Variants in PDE11A observed in about 807,000 individuals in gnomAD.
The protein encoded by PDE11A is dual 3',5'-cyclic-AMP and -GMP phosphodiesterase 11A.
In PDE11A, 100 loss-of-function variants were observed where a neutral mutation model predicts 100.5. The observed-to-expected ratio is 1.00, with a 90% CI of 0.85 to 1.18. The LOEUF is 1.18. Ranked by LOEUF, PDE11A falls within the 50% of genes most tolerant of loss-of-function variation. PDE11A has a pLI of 0.00. For missense variants in PDE11A, 1,141 were observed against 1,152.6 expected, an observed-to-expected ratio of 0.99 and a Z score of 0.15; for synonymous variants, 381 against 420.8, an observed-to-expected ratio of 0.91 and a Z score of 1.16.
chr2:177,864,666 T>C (rs1008607241), intron 5 of PDE11A, among the ~76,000 whole-genome samples: 1 of 152,054 alleles, frequency 6.6e-6, no homozygotes, highest in Non-Finnish European at 1.5e-5. Flanking sequence ...ACTTCAGAAA[T>C]GGCATAAAGG....
intron 6 of PDE11A, among the ~76,000 whole-genome samples, chr2:177,838,641 C>T (rs944000830): frequency 2.0e-5 from 3 of 152,178 alleles, no homozygotes; most frequent in African/African-American, 7.2e-5. Flanking sequence ...AGGGAGCCAT[C>T]GTCTGTGGTT....
intron 2 of PDE11A, among the ~76,000 whole-genome samples, chr2:177,942,402 A>AT (rs1553492143): frequency 2.3e-5 from 1 of 43,116 alleles, no homozygotes; most frequent in African/African-American, 7.7e-5. Context: ...TATTTTTTAA[A>AT]ATTATTTTTT....
chr2:177,890,226 G>T (rs2084508077), intron 4 of PDE11A, among the ~76,000 whole-genome samples: 1 of 152,128 alleles, frequency 6.6e-6, no homozygotes, highest in Non-Finnish European at 1.5e-5. Context: ...AGGGTGACTT[G>T]CCATTTGTGT....
At chr2:177,822,781 A>G (rs1195113698) in intron 6 of PDE11A, among the ~76,000 whole-genome samples, 1 of 152,110 alleles carries the variant, frequency 6.6e-6, no homozygotes, top group East Asian at 1.9e-4. Context: ...GTAGTTTTCC[A>G]TGTAGTGTTC....
chr2:177,904,091 T>C (rs2084741087), intron 3 of PDE11A, among the ~76,000 whole-genome samples: 1 of 152,240 alleles, frequency 6.6e-6, no homozygotes, highest in African/African-American at 2.4e-5. Context: ...TCAAACCTTT[T>C]TGAACATCGT....
chr2:177,704,307 C>T (rs1416991105), intron 13 of PDE11A, among the ~76,000 whole-genome samples: 4 of 152,116 alleles, frequency 2.6e-5, no homozygotes, highest in Admixed American at 2.6e-4. Context: ...CATCTTAGCC[C>T]TCAGAGAATG....
At chr2:178,055,700 T>C (rs1320722733) in intron 1 of PDE11A, among the ~76,000 whole-genome samples, 1 of 151,982 alleles carries the variant, frequency 6.6e-6, no homozygotes, top group Non-Finnish European at 1.5e-5. Flanking sequence ...TACTTCTCCT[T>C]AGGAAAATAG....
intron 3 of PDE11A, among the ~76,000 whole-genome samples, chr2:177,898,617 C>T (rs75860188): frequency 6.0e-4 from 91 of 152,278 alleles, no homozygotes; most frequent in African/African-American, 2.1e-3. Context: ...TACTAATGAG[C>T]ACCAGAGAAT....
chr2:177,680,765 A>G lies in PDE11A; in HGVS notation c.2423+61T>C, dbSNP rs989657117. On this transcript the variant is annotated intron_variant, in intron 16 of 19. Transcript: ENST00000286063. The stretch of plus-strand genomic sequence containing the variant: ...TTCTATGCTCTTAGTACTGTCAGAA[A>G]ATTTATGTGGACTAAATGTCCAAAT... The G allele has an allele frequency of 3.2e-6, 3 of 931,754 alleles. No homozygotes were observed. In the South Asian group the frequency reaches 4.1e-5, roughly 13 times the overall value. 57.7% of individuals were successfully genotyped at this position (931,754 alleles called of 1,614,324 possible). A position where few individuals can be genotyped will look rare whatever the true frequency, so the allele number is the denominator to read the frequency against.
intron 5 of PDE11A, among the ~76,000 whole-genome samples, chr2:177,869,042 T>A (rs2084078533): frequency 6.6e-6 from 1 of 152,258 alleles, no homozygotes; most frequent in Non-Finnish European, 1.5e-5. Context: ...CATCTCTATG[T>A]GTGTGTATGT....
At chr2:177,653,909 T>C (rs562346809) in intron 19 of PDE11A, among the ~76,000 whole-genome samples, 3 of 152,226 alleles carry the variant, frequency 2.0e-5, no homozygotes, top group Non-Finnish European at 4.4e-5. Flanking sequence ...GCATTCCTTC[T>C]GAAAGGCAGA....
chr2:177,940,038 A>G (rs943773222), intron 2 of PDE11A, among the ~76,000 whole-genome samples: 18 of 152,250 alleles, frequency 1.2e-4, no homozygotes, highest in African/African-American at 3.9e-4. Flanking sequence ...TATAACTTAA[A>G]TATTTGTGGA....
intron 1 of PDE11A, among the ~76,000 whole-genome samples, chr2:178,055,165 C>T (rs1035950007): frequency 6.6e-6 from 1 of 151,990 alleles, no homozygotes; most frequent in African/African-American, 2.4e-5. Context: ...TACTATGCAG[C>T]CATAAAAAAG....
intron 19 of PDE11A, among the ~76,000 whole-genome samples, chr2:177,632,743 C>A (rs755600546): frequency 6.6e-6 from 1 of 152,186 alleles, no homozygotes; most frequent in Non-Finnish European, 1.5e-5. Flanking sequence ...CCATCACCCT[C>A]AACATTTTGG....
intron 12 of PDE11A, among the ~76,000 whole-genome samples, chr2:177,720,617 A>G (rs1171772568): frequency 6.6e-6 from 1 of 152,164 alleles, no homozygotes; most frequent in African/African-American, 2.4e-5. Context: ...ACCATCTAGG[A>G]CCAACAAACT....
chr2:178,080,603 C>A (rs1490800955), intron 2 of PDE11A, among the ~76,000 whole-genome samples: 1 of 152,164 alleles, frequency 6.6e-6, no homozygotes, highest in Admixed American at 6.5e-5. Flanking sequence ...TGCCTTTCTT[C>A]TTAATTGCCA....
intron 4 of PDE11A, among the ~76,000 whole-genome samples, chr2:177,897,777 A>C (rs1398443256): frequency 3.3e-5 from 5 of 152,206 alleles, no homozygotes; most frequent in Non-Finnish European, 1.5e-5. Context: ...GAGGTTGGGC[A>C]AATCACTGAA....
chr2:177,690,074 A>G (rs1326058408), intron 15 of PDE11A, among the ~76,000 whole-genome samples: 1 of 152,146 alleles, frequency 6.6e-6, no homozygotes, highest in Non-Finnish European at 1.5e-5. Context: ...AACCATTAAG[A>G]AGTGCTATTT....
At chr2:177,916,336 G>A (rs543612138) in intron 2 of PDE11A, among the ~76,000 whole-genome samples, 16 of 152,302 alleles carry the variant, frequency 1.1e-4, no homozygotes, top group African/African-American at 3.9e-4. Flanking sequence ...CAGCTGAGAA[G>A]TCTTCCTCCT....
Sources: gnomAD v4.1 joint callset for allele counts (sites outside exome capture counted in the v4.1 genomes callset) on GRCh38, gnomAD v4.1.1 for gene constraint, MANE v1.5 for transcripts, NCBI Gene and HGNC (gene_info 2026-07-23, HGNC 2026-07-21) for gene names.